Variants in CRACD observed in about 807,000 individuals in gnomAD.
CRACD encodes the protein capping protein inhibiting regulator of actin dynamics, also known as capping protein-inhibiting regulator of actin dynamics.
CRACD carries 56 observed loss-of-function variants against 106.8 expected under a neutral mutation model. The observed-to-expected ratio is 0.52, with a 90% confidence interval of 0.42 to 0.66. CRACD has a LOEUF of 0.66. Among genes scored for constraint, CRACD ranks in the 30% least tolerant of loss-of-function variants. The probability of loss-of-function intolerance (pLI) is 0.00; values close to 1 mark genes in which losing one functional copy is unlikely to be tolerated. For synonymous variants in CRACD, 754 were observed against 670.8 expected (o/e 1.12, Z -1.92); for missense variants, 1,730 against 1,623.2 (o/e 1.07, Z -1.13).
intron 1 of CRACD, among the ~76,000 whole-genome samples, chr4:56,081,647 C>A (rs1455610318): frequency 1.3e-5 from 2 of 152,090 alleles, no homozygotes; most frequent in Non-Finnish European, 2.9e-5. Flanking sequence ...GTTCCTGGAA[C>A]CTCTCTGGTT....
At chr4:56,140,676 T>G (rs1180109661) in intron 1 of CRACD, among the ~76,000 whole-genome samples, 1 of 152,214 alleles carries the variant, frequency 6.6e-6, no homozygotes, top group Admixed American at 6.5e-5. Flanking sequence ...AAAACAATCC[T>G]GAACAGCGTT....
At chr4:56,063,307 C>T (rs181662287) in intron 1 of CRACD, among the ~76,000 whole-genome samples, 54 of 152,234 alleles carry the variant, frequency 3.5e-4, no homozygotes, top group Admixed American at 2.9e-3. Flanking sequence ...GACCTTCTGC[C>T]TCAGCCGCTC....
chr4:56,118,985 T>C (rs1734391868), intron 1 of CRACD, among the ~76,000 whole-genome samples: 1 of 152,150 alleles, frequency 6.6e-6, no homozygotes, highest in South Asian at 2.1e-4. Context: ...CATGAAAACA[T>C]ACAGAACAAT....
chr4:56,060,857 G>A (rs1732246085), intron 1 of CRACD, among the ~76,000 whole-genome samples: 1 of 152,154 alleles, frequency 6.6e-6, no homozygotes, highest in Non-Finnish European at 1.5e-5. Flanking sequence ...GTGGGACACA[G>A]CAAGAAGACA....
At chr4:56,318,337 G>A (rs1438979068) in intron 8 of CRACD, among the ~76,000 whole-genome samples, 1 of 151,992 alleles carries the variant, frequency 6.6e-6, no homozygotes, top group Non-Finnish European at 1.5e-5. Context: ...CTGGTTTTCT[G>A]GACAGACATG....
At chr4:56,225,216 C>T (rs889763364) in intron 2 of CRACD, among the ~76,000 whole-genome samples, 17 of 152,142 alleles carry the variant, frequency 1.1e-4, no homozygotes, top group African/African-American at 3.1e-4. Context: ...CTCAGCCTCC[C>T]GGAGTAGCTG....
chr4:56,058,532 G>C (rs1044842180), intron 1 of CRACD, among the ~76,000 whole-genome samples: 1 of 152,180 alleles, frequency 6.6e-6, no homozygotes, highest in Non-Finnish European at 1.5e-5. Context: ...TGCTCCTGAC[G>C]TTCCAGTCTG....
At chr4:56,254,161 T>G (rs1377660489) in intron 2 of CRACD, among the ~76,000 whole-genome samples, 3 of 152,156 alleles carry the variant, frequency 2.0e-5, no homozygotes, top group Non-Finnish European at 2.9e-5. Context: ...TAAGATTTAG[T>G]CTGGGAAAGA....
chr4:56,270,434 C>T (rs985316298), intron 2 of CRACD, among the ~76,000 whole-genome samples: 11 of 152,130 alleles, frequency 7.2e-5, no homozygotes, highest in African/African-American at 2.7e-4. Flanking sequence ...GGCTTGTTTC[C>T]TCACTGACCT....
rs764620167 is a variant in CRACD at position 56,315,429 on chromosome 4, G to A, written c.1927G>A (p.Gly643Ser). 9 of 1,612,644 alleles carry A rather than the reference G, an allele frequency of 5.6e-6. No homozygotes were observed. The highest frequency in any genetic ancestry group is 1.1e-5 in the South Asian group (1 of 91,062). ...TGGGGAGAACCCTCCCCGAGGCCCC[G>A]GCGACGCGAGGGCGGGCAGCGGGAA... The part of the protein sequence containing the change: ...PAGENPPRGP[G>S]DARAGSGKAK... Residue 643 changes from glycine (G) to serine (S), a missense_variant, in exon 8 of 11, where the codon GGC becomes AGC. Transcript: ENST00000682029. The surrounding 1 kb of genome is among the most constrained non-coding windows in gnomAD (Gnocchi z 4.1).
At chr4:56,121,185 T>C (rs1221273010) in intron 1 of CRACD, among the ~76,000 whole-genome samples, 1 of 152,206 alleles carries the variant, frequency 6.6e-6, no homozygotes, top group Non-Finnish European at 1.5e-5. Context: ...TTTAGTTTAA[T>C]TAAAACAACA....
intron 2 of CRACD, among the ~76,000 whole-genome samples, chr4:56,255,318 C>T (rs943057565): frequency 1.3e-5 from 2 of 152,000 alleles, no homozygotes; most frequent in Admixed American, 1.3e-4. Flanking sequence ...ATGTCCTCTC[C>T]TCAACAATCC....
chr4:56,080,933 A>G (rs888839411), intron 1 of CRACD, among the ~76,000 whole-genome samples: 2 of 152,228 alleles, frequency 1.3e-5, no homozygotes, highest in African/African-American at 2.4e-5. Flanking sequence ...TTCTCAAGCT[A>G]CATCAGATCT....
At chr4:56,191,341 C>T (rs1473936732) in intron 2 of CRACD, among the ~76,000 whole-genome samples, 1 of 152,014 alleles carries the variant, frequency 6.6e-6, no homozygotes, top group African/African-American at 2.4e-5. Flanking sequence ...CCTCCCTCTT[C>T]AAAACCAGCT....
At chr4:56,074,866 A>G (rs1732783639) in intron 1 of CRACD, among the ~76,000 whole-genome samples, 1 of 152,078 alleles carries the variant, frequency 6.6e-6, no homozygotes, top group Non-Finnish European at 1.5e-5. Context: ...TTCCATCAAT[A>G]CCTAGTTTAT....
intron 2 of CRACD, among the ~76,000 whole-genome samples, chr4:56,265,125 C>T (rs1447384463): frequency 2.6e-5 from 4 of 152,106 alleles, no homozygotes; most frequent in Non-Finnish European, 5.9e-5. Flanking sequence ...GATTATGGGT[C>T]CCAGCAAAAC....
chr4:56,095,366 T>C (rs1466238211), intron 1 of CRACD, among the ~76,000 whole-genome samples: 1 of 152,134 alleles, frequency 6.6e-6, no homozygotes, highest in Non-Finnish European at 1.5e-5. Flanking sequence ...ATCAGTACTA[T>C]TGTTATCGCA....
At chr4:56,161,146 T>A (rs541519623) in intron 1 of CRACD, among the ~76,000 whole-genome samples, 2 of 152,300 alleles carry the variant, frequency 1.3e-5, no homozygotes, top group East Asian at 3.9e-4. Flanking sequence ...TAGTTCTCGG[T>A]CTATGGATTT....
chr4:56,272,006 AG>A (rs1742379926), intron 2 of CRACD, among the ~76,000 whole-genome samples: 1 of 152,116 alleles, frequency 6.6e-6, no homozygotes, highest in Admixed American at 6.5e-5. Flanking sequence ...AGCCTCCCAA[AG>A]TGTTGGGATT....
Sources: allele counts gnomAD v4.1 joint callset (sites outside exome capture counted in the v4.1 genomes callset), GRCh38; gene constraint gnomAD v4.1.1; non-coding constraint Gnocchi (gnomAD v3.1); transcripts MANE v1.5; gene names NCBI Gene and HGNC (gene_info 2026-07-23, HGNC 2026-07-21).